The following COL4A1 variants were observed in gnomAD, a reference collection of about 807,000 sequenced individuals.
COL4A1 encodes the protein collagen type IV alpha 1 chain.
A neutral mutation model predicts 216.6 loss-of-function variants in COL4A1; 40 were observed. The ratio of observed to expected loss-of-function variants is 0.18; its 90% CI spans 0.14 to 0.24. COL4A1 has a LOEUF of 0.24. Ranked by LOEUF, COL4A1 falls within the 10% of genes least tolerant of loss-of-function variation. The probability of loss-of-function intolerance (pLI) is 1.00; values close to 1 mark genes in which losing one functional copy is unlikely to be tolerated. For missense variants in COL4A1, 1,628 were observed against 2,196.8 expected (o/e 0.74, Z 5.18); for synonymous variants, 839 against 810.7 (o/e 1.03, Z -0.59).
chr13:110,300,015 G>A (rs908477065), intron 1 of COL4A1, among the ~76,000 whole-genome samples: 10 of 151,970 alleles, frequency 6.6e-5, no homozygotes, highest in Non-Finnish European at 1.5e-4. Flanking sequence ...AGGGAACTGC[G>A]GATCTGAAAA....
At chr13:110,248,730 T>C (rs189996159) in intron 1 of COL4A1, among the ~76,000 whole-genome samples, 1 of 152,092 alleles carries the variant, frequency 6.6e-6, no homozygotes, top group African/African-American at 2.4e-5. Flanking sequence ...TGGCCTCAAG[T>C]GATCCACACG....
chr13:110,297,226 G>C (rs926259426), intron 1 of COL4A1, among the ~76,000 whole-genome samples: 4 of 152,078 alleles, frequency 2.6e-5, no homozygotes, highest in South Asian at 2.1e-4. Flanking sequence ...GCTGCGGGGT[G>C]GGGGGGCCAG....
chr13:110,176,955 G>C lies in COL4A1; in HGVS notation c.2799C>G (p.Gly933=), dbSNP rs372473858. 8.1e-6 allele frequency: 13 copies of C among 1,614,178 alleles called. No homozygotes were observed. In the East Asian group the frequency reaches 2.7e-4, roughly 33 times the overall value. ...KGDKGDVGLP[G]KPGSMDKVDM... ...CCACCTTATCCATGGAGCCAGGCTT[G>C]CCAGGGAGACCGACATCCCCCTTAT... The change falls in exon 34 of 52, where the codon GGC becomes GGG. Residue 933 remains glycine (G), a synonymous_variant. Transcript: ENST00000375820.
At chr13:110,191,574 A>C in intron 24 of COL4A1, 1 of 635,410 alleles carries the variant, frequency 1.6e-6, no homozygotes, top group Non-Finnish European at 2.8e-6. Flanking sequence ...AAAGCTAAGA[A>C]GCTGGTATTT....
intron 1 of COL4A1, among the ~76,000 whole-genome samples, chr13:110,289,416 A>T (rs532291730): frequency 1.3e-5 from 2 of 152,116 alleles, no homozygotes; most frequent in South Asian, 4.2e-4. Flanking sequence ...CTGTGAGGGG[A>T]CAAGGCCCTG....
At chr13:110,270,764 C>T (rs1284516888) in intron 1 of COL4A1, among the ~76,000 whole-genome samples, 3 of 152,182 alleles carry the variant, frequency 2.0e-5, no homozygotes, top group East Asian at 3.8e-4. Flanking sequence ...CCATTTACTG[C>T]GTCACCGGAG....
In COL4A1 at chr13:110,172,761, C is replaced by G. The variant is rs761190838; in HGVS notation, c.3515G>C (p.Gly1172Ala). 1 of 1,614,048 alleles carries G rather than the reference C, an allele frequency of 6.2e-7. No homozygotes were observed. The highest frequency in any genetic ancestry group is 1.3e-5 in the African/African-American group (1 of 75,058). Residue 1172 changes from glycine (G) to alanine (A), a missense_variant, in exon 41 of 52, where the codon GGA becomes GCA. Transcript: ENST00000375820. ...AGEKGEPGLP[G>A]RGFPGFPGAK... is the part of the protein sequence containing the mutation. ...CCCTGGAAACCCTGGGAATCCTCTT[C>G]CTGGTAGACCTATAAGATGAGGGTA... is the stretch of plus-strand genomic sequence containing the variant.
At chr13:110,295,422 CTTT>C (rs5806848) in intron 1 of COL4A1, among the ~76,000 whole-genome samples, 177 of 88,194 alleles carry the variant, frequency 2.0e-3, no homozygotes, top group African/African-American at 5.7e-3. Context: ...AGTTCACTTC[CTTT>C]TTTTTTTTTT....
At position 110,155,223 on chromosome 13, in the gene COL4A1, C is replaced by G. The variant is rs2275841; in HGVS notation, c.4755+60G>C. The G allele has an allele frequency of 0.051, 64,946 of 1,264,688 alleles. 2,476 individuals are homozygous for G. The highest frequency in any genetic ancestry group is 0.22 in the East Asian group (9,706 of 43,198). 78.3% of individuals were successfully genotyped at this position (1,264,688 alleles called of 1,614,324 possible). ...AAGGTGTGGAGGCACCAGACAGAGG[C>G]GACTATGGGGCGTGAGTGGGGCTCT... On this transcript the variant is annotated intron_variant, in intron 50 of 51. Transcript: ENST00000375820.
intron 1 of COL4A1, among the ~76,000 whole-genome samples, chr13:110,285,711 C>T (rs1471974659): frequency 6.6e-6 from 1 of 152,156 alleles, no homozygotes; most frequent in Non-Finnish European, 1.5e-5. Context: ...TGTATTAGCG[C>T]TCCCTGACAT....
At chr13:110,290,223 C>T (rs975461523) in intron 1 of COL4A1, among the ~76,000 whole-genome samples, 25 of 152,200 alleles carry the variant, frequency 1.6e-4, no homozygotes, top group African/African-American at 5.8e-4. Context: ...ACAACAAGTG[C>T]GAACACACTA....
chr13:110,296,506 C>T (rs530801250), intron 1 of COL4A1, among the ~76,000 whole-genome samples: 49 of 152,206 alleles, frequency 3.2e-4, no homozygotes, highest in Non-Finnish European at 6.8e-4. Context: ...TTTATGAATG[C>T]TCATCTGAAG....
At chr13:110,170,455 C>T in intron 42 of COL4A1, 92 bp downstream of exon 42, 1 of 1,370,064 alleles carries the variant, frequency 7.3e-7, no homozygotes, top group South Asian at 1.2e-5. Context: ...ATAAAAAAGC[C>T]CAATTGAGAA....
rs1566416324 is a variant in COL4A1 at position 110,252,639 on chromosome 13, CTT to C, written c.85-9907_85-9906del. On this transcript the variant is annotated intron_variant, in intron 1 of 51. Coordinates refer to ENST00000375820, the MANE Select transcript of COL4A1 (RefSeq NM_001845.6). ...TGTATAATTGTATATATTATATATA[CTT>C]ATATACAAAATGTATATATGTATAT... Among the ~76,000 whole-genome samples, 42 of 98,180 alleles carry C rather than the reference CTT, an allele frequency of 4.3e-4. 11 individuals are homozygous for C. The highest frequency in any genetic ancestry group is 1.6e-3 in the Admixed American group (13 of 8,174). The allele number at this position is 98,180 out of a possible 152,430, so 64.4% of individuals were successfully genotyped here.
intron 2 of COL4A1, among the ~76,000 whole-genome samples, chr13:110,241,137 T>C (rs552619295): frequency 3.3e-5 from 5 of 152,332 alleles, no homozygotes; most frequent in African/African-American, 9.6e-5. Flanking sequence ...CCCAAACTGC[T>C]AGGATTACAG....
intron 12 of COL4A1, among the ~76,000 whole-genome samples, chr13:110,208,212 A>G (rs1352437197): frequency 1.3e-5 from 2 of 152,144 alleles, no homozygotes; most frequent in African/African-American, 4.8e-5. Context: ...AGGATCAGGG[A>G]CCCACCACTT....
At chr13:110,215,560 C>CAAA (rs869160688) in intron 2 of COL4A1, among the ~76,000 whole-genome samples, 3 of 65,624 alleles carry the variant, frequency 4.6e-5, no homozygotes, top group African/African-American at 5.5e-5. Context: ...GACTCTGTCT[C>CAAA]AAAAAAAAAA....
intron 46 of COL4A1, among the ~76,000 whole-genome samples, chr13:110,164,660 G>T (rs1006886450): frequency 2.0e-5 from 3 of 152,106 alleles, no homozygotes; most frequent in African/African-American, 7.2e-5. Context: ...CTTTTCCTGG[G>T]TTTTCTTCTG....
At chr13:110,213,451 T>C (rs1681303832) in intron 4 of COL4A1, among the ~76,000 whole-genome samples, 1 of 152,152 alleles carries the variant, frequency 6.6e-6, no homozygotes, top group South Asian at 2.1e-4. Context: ...CTCTGTCTAA[T>C]GACTGTGGAC....
Sources: allele counts gnomAD v4.1 joint callset (sites outside exome capture counted in the v4.1 genomes callset), GRCh38; gene constraint gnomAD v4.1.1; transcripts MANE v1.5; gene names NCBI Gene and HGNC (gene_info 2026-07-23, HGNC 2026-07-21).